Variants in CNOT6L observed in about 807,000 individuals in gnomAD.
The protein encoded by CNOT6L is CCR4-NOT transcription complex subunit 6-like.
A neutral mutation model predicts 64.0 loss-of-function variants in CNOT6L; 7 were observed. The observed-to-expected ratio is 0.11, with a 90% confidence interval of 0.06 to 0.21. The LOEUF (loss-of-function observed/expected upper bound fraction) is 0.21. Ranked by LOEUF, CNOT6L falls within the 10% of genes least tolerant of loss-of-function variation. The pLI, the probability that CNOT6L is intolerant of heterozygous loss-of-function variation, is 1.00. For synonymous variants in CNOT6L, 193 were observed against 243.4 expected (o/e 0.79, Z 1.93); for missense variants, 245 against 669.0 (o/e 0.37, Z 6.99).
At chr4:77,798,218 G>A (rs1233794942) in intron 1 of CNOT6L, among the ~76,000 whole-genome samples, 1 of 152,148 alleles carries the variant, frequency 6.6e-6, no homozygotes, top group Non-Finnish European at 1.5e-5. Context: ...AGGAGGCTGA[G>A]GCAGGAGGAC....
At chr4:77,755,458 C>G (rs2866444) in intron 5 of CNOT6L, among the ~76,000 whole-genome samples, 118,175 of 151,878 alleles carry the variant, frequency 0.78, 46,054 homozygotes, top group Admixed American at 0.8. Context: ...CTCGTGATCT[C>G]CCCACTTGGC....
rs111904521 is a variant in CNOT6L at position 77,788,194 on chromosome 4, A to G, written c.6-11802T>C. ...ATACTAAGGTAAAATGTAAGCGAAC[A>G]GTTTTTTAAAAACTTGGATGGGAAA... On this transcript the variant is annotated intron_variant, in intron 1 of 11. Coordinates refer to ENST00000504123, the MANE Select transcript of CNOT6L (RefSeq NM_144571.3). 5.7e-4 allele frequency among the ~76,000 whole-genome samples: 87 copies of G among 152,338 alleles called. 1 individual carries two copies. The highest frequency in any genetic ancestry group is 2.0e-3 in the African/African-American group (83 of 41,582).
At chr4:77,756,750 C>A (rs1308211972) in intron 5 of CNOT6L, 112 bp downstream of exon 5, 4 of 615,750 alleles carry the variant, frequency 6.5e-6, no homozygotes, top group African/African-American at 5.6e-5. Flanking sequence ...ATGGAAGGAA[C>A]TCCAAACCCA....
chr4:77,724,797 C>T (rs1237666715), intron 11 of CNOT6L, among the ~76,000 whole-genome samples: 1 of 152,084 alleles, frequency 6.6e-6, no homozygotes, highest in Non-Finnish European at 1.5e-5. Context: ...AGATATATAT[C>T]ACTATAGTTA....
chr4:77,775,293 C>A (rs1728029041), intron 2 of CNOT6L, among the ~76,000 whole-genome samples: 1 of 152,094 alleles, frequency 6.6e-6, no homozygotes, highest in South Asian at 2.1e-4. Flanking sequence ...GTAATTCTTG[C>A]TATTGACATT....
In CNOT6L at chr4:77,802,994, T is replaced by G. The variant is rs77009287; in HGVS notation, c.5+16310A>C. 3.0e-3 allele frequency among the ~76,000 whole-genome samples: 460 copies of G among 152,314 alleles called. 1 individual carries two copies. Among genetic ancestry groups the G allele is most frequent in the Admixed American group, 5.2e-3 (79 of 15,296 alleles). ...GAATGATAAACAGTATTTTAAAAAT[T>G]TAATGTCTATAAGGCAAAGAGCAAA... On this transcript the variant is annotated intron_variant, in intron 1 of 11. Coordinates refer to ENST00000504123, the MANE Select transcript of CNOT6L (RefSeq NM_144571.3).
At chr4:77,727,908 T>A (rs963151234) in intron 10 of CNOT6L, among the ~76,000 whole-genome samples, 1 of 152,248 alleles carries the variant, frequency 6.6e-6, no homozygotes, top group Admixed American at 6.5e-5. Context: ...GTGACTTTTT[T>A]TTAATATTCC....
intron 5 of CNOT6L, among the ~76,000 whole-genome samples, chr4:77,750,364 T>G (rs1289275664): frequency 2.0e-5 from 3 of 152,022 alleles, no homozygotes; most frequent in Non-Finnish European, 4.4e-5. Flanking sequence ...GTCAGTTTGT[T>G]TTTTTTTGAG....
intron 11 of CNOT6L, among the ~76,000 whole-genome samples, chr4:77,723,843 A>G (rs762119352): frequency 2.0e-5 from 3 of 152,348 alleles, no homozygotes; most frequent in Non-Finnish European, 4.4e-5. Flanking sequence ...TAACACATGT[A>G]AGAGCTTTTG....
chr4:77,811,727 A>AACAC (rs753667008), intron 1 of CNOT6L, among the ~76,000 whole-genome samples: 18 of 152,000 alleles, frequency 1.2e-4, no homozygotes, highest in African/African-American at 4.1e-4. Flanking sequence ...CTCTCTCACA[A>AACAC]ACACACACAC....
chr4:77,715,633 G>C lies in CNOT6L; in HGVS notation c.*4798C>G, dbSNP rs926767815. The C allele has an allele frequency of 6.6e-6, 1 of 152,466 alleles. No individual in the cohort carries two copies. The allele number at this position is 152,466 out of a possible 1,614,324, so 9.4% of individuals were successfully genotyped here. The stretch of plus-strand genomic sequence containing the variant: ...TAATAGAGACATTTACATAAAAAAG[G>C]TATTTGGTTAAAACAAGAAATATGC... On this transcript the variant is annotated 3_prime_UTR_variant, in exon 12 of 12. Transcript: ENST00000504123.
intron 11 of CNOT6L, among the ~76,000 whole-genome samples, chr4:77,722,574 G>A (rs775757274): frequency 2.0e-5 from 3 of 152,084 alleles, no homozygotes; most frequent in Admixed American, 6.6e-5. Context: ...AACCTTATTA[G>A]AGTGCCGTCA....
chr4:77,762,813 A>T (rs980418814), intron 4 of CNOT6L, among the ~76,000 whole-genome samples: 1 of 152,154 alleles, frequency 6.6e-6, no homozygotes, highest in Non-Finnish European at 1.5e-5. Flanking sequence ...TGACTTCAGC[A>T]GGCATAAATG....
intron 1 of CNOT6L, among the ~76,000 whole-genome samples, chr4:77,789,464 GC>G (rs1192913772): frequency 6.6e-6 from 1 of 151,948 alleles, no homozygotes; most frequent in East Asian, 1.9e-4. Context: ...GCTGTTTGAG[GC>G]CAGTAGTTCA....
intron 8 of CNOT6L, among the ~76,000 whole-genome samples, chr4:77,732,061 T>C (rs1169976168): frequency 6.6e-6 from 1 of 152,074 alleles, no homozygotes; most frequent in East Asian, 1.9e-4. Flanking sequence ...ATCAAGATAT[T>C]TGTCAACAAA....
chr4:77,819,498 C>G, upstream of CNOT6L: 1 of 1,230,600 alleles, frequency 8.1e-7, no homozygotes, highest in South Asian at 1.4e-5. Context: ...GGGGAAGCCG[C>G]GGCGGCACAC....
chr4:77,778,780 C>T (rs1728455668), intron 1 of CNOT6L, among the ~76,000 whole-genome samples: 1 of 151,668 alleles, frequency 6.6e-6, no homozygotes, highest in African/African-American at 2.4e-5. Flanking sequence ...CACGGTGGCT[C>T]ACGCATGTAA....
intron 4 of CNOT6L, among the ~76,000 whole-genome samples, chr4:77,759,908 A>C (rs1725989563): frequency 6.6e-6 from 1 of 152,220 alleles, no homozygotes; most frequent in African/African-American, 2.4e-5. Context: ...CCAGAAAACA[A>C]ACTGTAACAG....
intron 6 of CNOT6L, among the ~76,000 whole-genome samples, chr4:77,747,372 T>C (rs544163755): frequency 6.6e-6 from 1 of 152,164 alleles, no homozygotes; most frequent in Non-Finnish European, 1.5e-5. Context: ...TTCACCATGC[T>C]GGCCAAGCTA....
Sources: gnomAD v4.1 joint callset for allele counts (sites outside exome capture counted in the v4.1 genomes callset) on GRCh38, gnomAD v4.1.1 for gene constraint, MANE v1.5 for transcripts, NCBI Gene and HGNC (gene_info 2026-07-23, HGNC 2026-07-21) for gene names.